The following GPD2 variants were observed in gnomAD, a reference collection of about 807,000 sequenced individuals.
GPD2 encodes glycerol-3-phosphate dehydrogenase, mitochondrial.
GPD2 carries 54 observed loss-of-function variants against 82.4 expected under a neutral mutation model. That is an observed-to-expected ratio of 0.66 (90% CI 0.53 to 0.82). GPD2 has a LOEUF of 0.82. Ranked by LOEUF, GPD2 falls within the 40% of genes least tolerant of loss-of-function variation. The pLI, the probability that GPD2 is intolerant of heterozygous loss-of-function variation, is 0.00. For synonymous variants in GPD2, 288 were observed against 306.1 expected, an observed-to-expected ratio of 0.94 and a Z score of 0.62; for missense variants, 748 against 896.2, an observed-to-expected ratio of 0.83 and a Z score of 2.11.
intron 8 of GPD2, among the ~76,000 whole-genome samples, chr2:156,551,143 G>A (rs1204213848): frequency 1.3e-5 from 2 of 152,074 alleles, no homozygotes; most frequent in African/African-American, 4.8e-5. Context: ...TGCTTATGAA[G>A]AATCTGAAGA....
intron 11 of GPD2, 126 bp from the exon 12 acceptor site, chr2:156,569,961 A>T: frequency 1.2e-6 from 1 of 813,818 alleles, no homozygotes; most frequent in East Asian, 2.6e-5. Flanking sequence ...AAAATATAAT[A>T]CTCTCCGAGA....
chr2:156,483,987 C>CTTTTTTTTTTTTTT (rs10610989), intron 2 of GPD2, among the ~76,000 whole-genome samples: 2 of 92,292 alleles, frequency 2.2e-5, no homozygotes, highest in Non-Finnish European at 4.4e-5. Context: ...TGCTTGCTTG[C>CTTTTTTTTTTTTTT]TTTTTTTTTT....
the GPD2 span, among the ~76,000 whole-genome samples, chr2:156,414,516 AGAAATATTT>A: frequency 9.2e-5 from 14 of 152,194 alleles, no homozygotes; most frequent in Non-Finnish European, 1.6e-4. Context: ...TTTTGTACTA[AGAAATATTT>A]GAATCCTGAG....
chr2:156,536,196 G>A lies in GPD2; in HGVS notation c.662-13412G>A, dbSNP rs377550022. Among the ~76,000 whole-genome samples, 48 of 152,296 alleles carry A rather than the reference G, an allele frequency of 3.2e-4. 2 individuals are homozygous for A. In the East Asian group the frequency reaches 4.4e-3, roughly 14 times the overall value. ...ACATACGGTCACGTCAAAGTGCTGC[G>A]AGGTTGTTTTACAAAAGCATCTTTG... On this transcript the variant is annotated intron_variant, in intron 6 of 16. Transcript: ENST00000438166.
chr2:156,432,066 T>C (rs1052641628), upstream of GPD2, among the ~76,000 whole-genome samples: 4 of 152,082 alleles, frequency 2.6e-5, no homozygotes, highest in African/African-American at 9.7e-5. Flanking sequence ...TTTGTATTTT[T>C]TACTAGAGAC....
At chr2:156,415,314 A>C in the GPD2 span, among the ~76,000 whole-genome samples, 2 of 147,682 alleles carry the variant, frequency 1.4e-5, no homozygotes, top group Non-Finnish European at 1.5e-5. Flanking sequence ...GCCCGCCACC[A>C]CTCCCGGCTA....
At chr2:156,425,091 T>TTTA in the GPD2 span, among the ~76,000 whole-genome samples, 27 of 151,190 alleles carry the variant, frequency 1.8e-4, no homozygotes, top group Admixed American at 1.6e-3. Flanking sequence ...TTCATTTTAT[T>TTTA]TTTTTTTTTG....
intron 2 of GPD2, among the ~76,000 whole-genome samples, chr2:156,487,765 T>C (rs1275076404): frequency 6.6e-6 from 1 of 152,224 alleles, no homozygotes; most frequent in Non-Finnish European, 1.5e-5. Context: ...TCTCTGACTT[T>C]CAGTGAGCCA....
chr2:156,465,049 C>G (rs1683104364), intron 1 of GPD2, among the ~76,000 whole-genome samples: 1 of 152,150 alleles, frequency 6.6e-6, no homozygotes, highest in African/African-American at 2.4e-5. Flanking sequence ...TGGGGCTTCA[C>G]CATGTTGGCC....
intron 3 of GPD2, among the ~76,000 whole-genome samples, chr2:156,507,137 C>T (rs1242081415): frequency 1.3e-5 from 2 of 151,922 alleles, no homozygotes; most frequent in African/African-American, 2.4e-5. Flanking sequence ...CCTCAGCCTC[C>T]TGAGTAGCTG....
chr2:156,403,445 T>C, the GPD2 span, among the ~76,000 whole-genome samples: 2 of 152,132 alleles, frequency 1.3e-5, no homozygotes, highest in Non-Finnish European at 2.9e-5. Flanking sequence ...CCAACCATCC[T>C]ATGACTTGAA....
In GPD2 at chr2:156,568,868, T is replaced by G; in HGVS notation, c.1209T>G (p.Pro403=). The change falls in exon 10 of 17, where the codon CCT becomes CCG. Residue 403 remains proline (P), a synonymous_variant. Coordinates refer to ENST00000438166, the MANE Select transcript of GPD2 (RefSeq NM_000408.5). ...DVLAAWSGIR[P]LVTDPKSADT... The stretch of plus-strand genomic sequence containing the variant: ...TGGCAGCATGGAGTGGAATCCGTCC[T>G]CTTGTTACAGACCCCAAATCTGCAG... 1 of 1,612,828 alleles carries G rather than the reference T, an allele frequency of 6.2e-7. No individual in the cohort carries two copies. The highest frequency in any genetic ancestry group is 8.5e-7 in the Non-Finnish European group (1 of 1,178,896).
At chr2:156,557,252 TA>T (rs775647173) in intron 8 of GPD2, 136 bp from the exon 9 acceptor site, 3 of 686,736 alleles carry the variant, frequency 4.4e-6, no homozygotes, top group Non-Finnish European at 5.2e-6. Context: ...TAGATTAGGG[TA>T]GGGGAAGTGC....
the GPD2 span, among the ~76,000 whole-genome samples, chr2:156,419,005 A>G: frequency 6.7e-6 from 1 of 148,482 alleles, no homozygotes; most frequent in Non-Finnish European, 1.5e-5. Context: ...TCTTCAGTTC[A>G]GCATGTCAAC....
intron 9 of GPD2, among the ~76,000 whole-genome samples, chr2:156,565,147 A>T (rs986415118): frequency 6.6e-6 from 1 of 152,122 alleles, no homozygotes; most frequent in African/African-American, 2.4e-5. Flanking sequence ...TTTTCCATCA[A>T]ATAACTTTAA....
rs1688139790 is a variant in GPD2, at chr2:156,584,343, G to C, written c.*1425G>C. 1.3e-5 allele frequency: 2 copies of C among 151,942 alleles called. No homozygotes were observed. The highest frequency in any genetic ancestry group is 1.3e-4 in the Admixed American group (2 of 15,214). 9.4% of individuals were successfully genotyped at this position (151,942 alleles called of 1,614,324 possible). ...GATGTAACACTTTATTTCATGGCAG[G>C]TTTTTATTGCAGAGACTTGAAGTCT... On this transcript the variant is annotated 3_prime_UTR_variant, in exon 17 of 17. Transcript: ENST00000438166.
intron 1 of GPD2, among the ~76,000 whole-genome samples, chr2:156,447,146 C>A (rs1240252834): frequency 6.6e-6 from 1 of 152,198 alleles, no homozygotes; most frequent in Non-Finnish European, 1.5e-5. Context: ...TCTCCCATTA[C>A]AAAAACAAAC....
At chr2:156,477,551 C>T (rs1292278818) in intron 2 of GPD2, among the ~76,000 whole-genome samples, 1 of 152,080 alleles carries the variant, frequency 6.6e-6, no homozygotes, top group African/African-American at 2.4e-5. Context: ...TGGGTGATAC[C>T]GAAAGTCTTT....
intron 15 of GPD2, 93 bp from the exon 16 acceptor site, chr2:156,579,597 G>A: frequency 1.4e-6 from 1 of 733,112 alleles, no homozygotes; most frequent in Non-Finnish European, 2.5e-6. Flanking sequence ...CTCCCAAAGT[G>A]CTGGGATTAC....
Sources: allele counts gnomAD v4.1 joint callset (sites outside exome capture counted in the v4.1 genomes callset), GRCh38; gene constraint gnomAD v4.1.1; transcripts MANE v1.5; gene names NCBI Gene and HGNC (gene_info 2026-07-23, HGNC 2026-07-21).